Variants in CDH18 observed in about 807,000 individuals in gnomAD.
CDH18 encodes the protein cadherin-18.
CDH18 carries 31 observed loss-of-function variants against 67.9 expected under a neutral mutation model. The observed-to-expected ratio is 0.46, with a 90% CI of 0.34 to 0.62. The LOEUF is 0.62. CDH18 is among the 20% of genes least tolerant of loss of function. The pLI is 0.01. For missense variants in CDH18, 890 were observed against 975.5 expected, an observed-to-expected ratio of 0.91 and a Z score of 1.17; for synonymous variants, 362 against 347.2, an observed-to-expected ratio of 1.04 and a Z score of -0.48.
At chr5:19,743,299 T>C (rs1357267727) in intron 4 of CDH18, among the ~76,000 whole-genome samples, 1 of 152,222 alleles carries the variant, frequency 6.6e-6, no homozygotes, top group Non-Finnish European at 1.5e-5. Context: ...GATCAGCAGA[T>C]ACCTTGTCTA....
At chr5:20,488,834 T>C (rs114261909) in intron 1 of CDH18, among the ~76,000 whole-genome samples, 25 of 152,040 alleles carry the variant, frequency 1.6e-4, no homozygotes, top group African/African-American at 5.5e-4. Flanking sequence ...TTTGTTGTCA[T>C]AGAAAATATT....
At chr5:20,152,005 A>G (rs1751149473) in intron 2 of CDH18, among the ~76,000 whole-genome samples, 1 of 150,426 alleles carries the variant, frequency 6.6e-6, no homozygotes. Context: ...AGTGTGTAGA[A>G]CTAGAAGTTC....
At chr5:20,429,905 A>G (rs1223217434) in intron 1 of CDH18, among the ~76,000 whole-genome samples, 1 of 152,196 alleles carries the variant, frequency 6.6e-6, no homozygotes, top group Non-Finnish European at 1.5e-5. Context: ...TAATTTAATA[A>G]CAATAAGTCC....
chr5:20,064,969 C>T, intron 2 of CDH18, among the ~76,000 whole-genome samples: 1 of 151,932 alleles, frequency 6.6e-6, no homozygotes, highest in East Asian at 1.9e-4. Context: ...GTTTCTCATG[C>T]ACCAGTTCTG....
Position 20,476,913 on chromosome 5 carries a change from G to T in CDH18, c.-580+98549C>A, listed in dbSNP as rs73767547. Among the ~76,000 whole-genome samples the T allele has an allele frequency of 7.4e-3, 1,132 of 152,076 alleles. 16 individuals are homozygous for T. The highest frequency in any genetic ancestry group is 0.025 in the African/African-American group (1,058 of 41,498). On this transcript the variant is annotated intron_variant, in intron 1 of 14. Transcript: ENST00000507958. The stretch of plus-strand genomic sequence containing the variant: ...TTGAATCTGGTTTTGAATTAATTTT[G>T]TTCTGTAATGTTGTAACAGAGATTT...
intron 1 of CDH18, among the ~76,000 whole-genome samples, chr5:20,417,447 T>G (rs1464136796): frequency 2.6e-5 from 4 of 152,228 alleles, no homozygotes. Context: ...TATATATTTA[T>G]GCTTTTAGCA....
chr5:19,586,900 C>G (rs1032420555), intron 7 of CDH18, among the ~76,000 whole-genome samples: 4 of 152,224 alleles, frequency 2.6e-5, no homozygotes, highest in African/African-American at 7.2e-5. Flanking sequence ...AAAAGCCATT[C>G]TGACTGGTGT....
intron 1 of CDH18, among the ~76,000 whole-genome samples, chr5:20,412,222 A>T (rs1746848173): frequency 6.6e-6 from 1 of 152,194 alleles, no homozygotes; most frequent in East Asian, 1.9e-4. Flanking sequence ...CCACACACCT[A>T]CAACCAACGG....
At chr5:19,620,109 A>G (rs1388529682) in intron 5 of CDH18, among the ~76,000 whole-genome samples, 1 of 152,246 alleles carries the variant, frequency 6.6e-6, no homozygotes, top group East Asian at 1.9e-4. Context: ...ATAAATTCAT[A>G]GAGGTAGACA....
At chr5:19,554,390 A>G (rs1312846617) in intron 8 of CDH18, among the ~76,000 whole-genome samples, 1 of 152,072 alleles carries the variant, frequency 6.6e-6, no homozygotes, top group African/African-American at 2.4e-5. Context: ...TCTCTACTAA[A>G]AATCCAAAAA....
At chr5:19,570,846 A>T (rs1429551913) in intron 8 of CDH18, among the ~76,000 whole-genome samples, 2 of 152,176 alleles carry the variant, frequency 1.3e-5, no homozygotes, top group Non-Finnish European at 2.9e-5. Context: ...CTTTAATCTA[A>T]CTAAATCCTA....
chr5:20,555,686 T>C (rs762202825), intron 1 of CDH18, among the ~76,000 whole-genome samples: 1 of 151,978 alleles, frequency 6.6e-6, no homozygotes, highest in African/African-American at 2.4e-5. Flanking sequence ...AGCACTCAGA[T>C]TGTGGACTGA....
intron 10 of CDH18, among the ~76,000 whole-genome samples, chr5:19,519,236 T>C (rs1231287372): frequency 6.6e-6 from 1 of 152,180 alleles, no homozygotes; most frequent in Non-Finnish European, 1.5e-5. Context: ...AAAAGCTTTA[T>C]GTTACAAAGC....
At chr5:20,241,949 A>T in intron 2 of CDH18, among the ~76,000 whole-genome samples, 1 of 149,400 alleles carries the variant, frequency 6.7e-6, no homozygotes, top group East Asian at 1.9e-4. Flanking sequence ...CAATATTTGC[A>T]GCTAAATCTG....
At chr5:20,437,813 T>A (rs1478421004) in intron 1 of CDH18, among the ~76,000 whole-genome samples, 1 of 151,312 alleles carries the variant, frequency 6.6e-6, no homozygotes, top group African/African-American at 2.4e-5. Flanking sequence ...CAGAAAAACC[T>A]CAATTACTTG....
At chr5:20,188,549 G>A (rs1326884409) in intron 2 of CDH18, among the ~76,000 whole-genome samples, 1 of 151,778 alleles carries the variant, frequency 6.6e-6, no homozygotes, top group African/African-American at 2.4e-5. Context: ...GTCAAGAACT[G>A]TGCTAAGTAC....
intron 1 of CDH18, among the ~76,000 whole-genome samples, chr5:19,986,254 C>T (rs1579955266): frequency 6.6e-6 from 1 of 152,154 alleles, no homozygotes. Flanking sequence ...CATTCTAGCA[C>T]CGGGTGCTAT....
At chr5:19,595,453 A>G in intron 6 of CDH18, among the ~76,000 whole-genome samples, 2 of 152,136 alleles carry the variant, frequency 1.3e-5, no homozygotes. Flanking sequence ...GTGAAATCCC[A>G]TCCCTACCAA....
At chr5:20,303,991 G>A in intron 1 of CDH18, 2 of 972,596 alleles carry the variant, frequency 2.1e-6, no homozygotes, top group Non-Finnish European at 3.3e-6. Flanking sequence ...TAAGTCGAAG[G>A]GATGGTGGAA....
Sources: allele counts gnomAD v4.1 joint callset (sites outside exome capture counted in the v4.1 genomes callset), GRCh38; gene constraint gnomAD v4.1.1; transcripts MANE v1.5; gene names NCBI Gene and HGNC (gene_info 2026-07-23, HGNC 2026-07-21).